PRKG1: variants seen among roughly 807,000 people sequenced by gnomAD.
PRKG1 encodes the protein protein kinase cGMP-dependent 1.
Under a neutral mutation model 88.1 loss-of-function variants are expected in PRKG1, and 35 were observed. The observed-to-expected ratio is 0.40, with a 90% CI of 0.30 to 0.53. PRKG1 has a LOEUF of 0.53. Ranked by LOEUF, PRKG1 falls within the 20% of genes least tolerant of loss-of-function variation. The pLI is 0.59. For synonymous variants in PRKG1, 303 were observed against 292.5 expected, an observed-to-expected ratio of 1.04 and a Z score of -0.37; for missense variants, 540 against 839.8, an observed-to-expected ratio of 0.64 and a Z score of 4.41.
At chr10:52,286,323 C>A (rs976809704) in intron 14 of PRKG1, among the ~76,000 whole-genome samples, 2 of 151,924 alleles carry the variant, frequency 1.3e-5, no homozygotes, top group Non-Finnish European at 2.9e-5. Flanking sequence ...GAAGGTATAA[C>A]CCAAGTAATT....
intron 4 of PRKG1, among the ~76,000 whole-genome samples, chr10:51,816,537 ATGTGTGTGTGTG>A (rs35430934): frequency 2.7e-5 from 4 of 146,038 alleles, no homozygotes; most frequent in Non-Finnish European, 3.0e-5. Context: ...TAATTTTGGC[ATGTGTGTGTGTG>A]TGTGTGTGTG....
chr10:51,836,465 G>T (rs757974937), intron 4 of PRKG1, among the ~76,000 whole-genome samples: 20 of 152,192 alleles, frequency 1.3e-4, no homozygotes, highest in South Asian at 6.2e-4. Flanking sequence ...GTGTTTTGGG[G>T]TCATATCCAA....
rs148897594 is a variant in PRKG1 at position 51,260,721 on chromosome 10, G to C, written c.478+107391G>C. On this transcript the variant is annotated intron_variant, in intron 2 of 17. Coordinates refer to ENST00000373980, the MANE Select transcript of PRKG1 (RefSeq NM_006258.4). ...ATTAAAGACTCAGAGCAAATACCAA[G>C]TCCGAAATCAATGTGATGTGATTAT... Among the ~76,000 whole-genome samples the C allele has an allele frequency of 3.0e-3, 463 of 152,206 alleles. 1 individual carries two copies. The highest frequency in any genetic ancestry group is 0.01 in the African/African-American group (432 of 41,516).
intron 6 of PRKG1, among the ~76,000 whole-genome samples, chr10:52,060,327 G>A (rs980803629): frequency 6.6e-6 from 1 of 151,636 alleles, no homozygotes; most frequent in Non-Finnish European, 1.5e-5. Context: ...TATTATCTTG[G>A]GATAAGAAAG....
chr10:51,038,125 AC>A (rs151275795), intron 1 of PRKG1, among the ~76,000 whole-genome samples: 1,640 of 152,364 alleles, frequency 0.011, 19 homozygotes, highest in Non-Finnish European at 0.017. Context: ...ACAGGCCTTA[AC>A]AAAAATGTGT....
chr10:52,196,946 A>G (rs1839521857), intron 9 of PRKG1, among the ~76,000 whole-genome samples: 1 of 152,184 alleles, frequency 6.6e-6, no homozygotes, highest in Admixed American at 6.5e-5. Flanking sequence ...GTATCTCTAA[A>G]TCTGTGTTCA....
At chr10:52,144,492 T>G (rs1030958378) in intron 8 of PRKG1, among the ~76,000 whole-genome samples, 1 of 152,140 alleles carries the variant, frequency 6.6e-6, no homozygotes, top group African/African-American at 2.4e-5. Flanking sequence ...TCCTAAAGGA[T>G]GTTCATTAGA....
chr10:51,901,364 G>C (rs1841974838), intron 4 of PRKG1, among the ~76,000 whole-genome samples: 1 of 152,188 alleles, frequency 6.6e-6, no homozygotes, highest in African/African-American at 2.4e-5. Context: ...CATTTGTAAA[G>C]CAAAAGTACA....
At chr10:51,265,120 C>T (rs757098148) in intron 2 of PRKG1, among the ~76,000 whole-genome samples, 2 of 151,820 alleles carry the variant, frequency 1.3e-5, no homozygotes, top group Non-Finnish European at 2.9e-5. Context: ...GAAATTCAAA[C>T]ATGTTCTGGG....
intron 7 of PRKG1, among the ~76,000 whole-genome samples, chr10:52,092,957 G>C (rs1847089828): frequency 6.6e-6 from 1 of 152,136 alleles, no homozygotes; most frequent in African/African-American, 2.4e-5. Flanking sequence ...TTAGAGGCCT[G>C]TAAAATGTGG....
At chr10:51,776,855 G>C (rs1175030103) in intron 3 of PRKG1, among the ~76,000 whole-genome samples, 2 of 151,788 alleles carry the variant, frequency 1.3e-5, no homozygotes, top group Non-Finnish European at 2.9e-5. Context: ...CAAACAAAAT[G>C]CTTAAACTTT....
At chr10:51,053,785 T>G (rs962986846) in intron 1 of PRKG1, among the ~76,000 whole-genome samples, 1 of 151,746 alleles carries the variant, frequency 6.6e-6, no homozygotes, top group South Asian at 2.1e-4. Flanking sequence ...TTTGTTTTTT[T>G]TTTTTTTAAC....
At chr10:51,663,472 A>G (rs946003332) in intron 3 of PRKG1, among the ~76,000 whole-genome samples, 1 of 152,054 alleles carries the variant, frequency 6.6e-6, no homozygotes, top group African/African-American at 2.4e-5. Context: ...TGCAGATTCA[A>G]AGTAGGAGTC....
intron 3 of PRKG1, among the ~76,000 whole-genome samples, chr10:51,803,470 C>T (rs528404017): frequency 2.6e-5 from 4 of 152,212 alleles, no homozygotes; most frequent in East Asian, 1.9e-4. Context: ...CTCCCCTGTT[C>T]GTTTGTGTGT....
chr10:52,230,146 C>A (rs1440320744), intron 9 of PRKG1, among the ~76,000 whole-genome samples: 1 of 152,036 alleles, frequency 6.6e-6, no homozygotes, highest in Admixed American at 6.6e-5. Context: ...AGGGTCAAAC[C>A]CCAACATTAT....
intron 3 of PRKG1, among the ~76,000 whole-genome samples, chr10:51,515,581 A>C (rs2132068212): frequency 6.6e-6 from 1 of 152,260 alleles, no homozygotes; most frequent in South Asian, 2.1e-4. Flanking sequence ...CTTGACCTGG[A>C]ATTTCAAGCA....
intron 2 of PRKG1, among the ~76,000 whole-genome samples, chr10:51,160,875 C>T (rs868143477): frequency 0.022 from 3,287 of 150,066 alleles, 66 homozygotes; most frequent in Non-Finnish European, 0.032. Context: ...TCTTCATGCT[C>T]GTGTGTGTGT....
intron 3 of PRKG1, among the ~76,000 whole-genome samples, chr10:51,547,815 T>A (rs1183451494): frequency 6.6e-6 from 1 of 152,150 alleles, no homozygotes; most frequent in Non-Finnish European, 1.5e-5. Flanking sequence ...TTTCAAAGTA[T>A]GTTCTACGTG....
At chr10:51,833,935 A>G (rs1240046907) in intron 4 of PRKG1, among the ~76,000 whole-genome samples, 1 of 152,158 alleles carries the variant, frequency 6.6e-6, no homozygotes, top group Non-Finnish European at 1.5e-5. Context: ...GATTTTACAT[A>G]TAAGTGAGAT....
Sources: gnomAD v4.1 joint callset for allele counts (sites outside exome capture counted in the v4.1 genomes callset) on GRCh38, gnomAD v4.1.1 for gene constraint, MANE v1.5 for transcripts, NCBI Gene and HGNC (gene_info 2026-07-23, HGNC 2026-07-21) for gene names.